The following ABCA1 variants were observed in gnomAD, a reference collection of about 807,000 sequenced individuals.
The protein encoded by ABCA1 is ATP binding cassette subfamily A member 1.
ABCA1 carries 133 observed loss-of-function variants against 262.5 expected under a neutral mutation model. The observed-to-expected ratio is 0.51, with a 90% CI of 0.44 to 0.59. ABCA1 has a LOEUF of 0.59. Ranked by LOEUF, ABCA1 falls within the 20% of genes least tolerant of loss-of-function variation. ABCA1 has a pLI of 0.00. For synonymous variants in ABCA1, 1,022 were observed against 1,043.5 expected, an observed-to-expected ratio of 0.98 and a Z score of 0.40; for missense variants, 2,452 against 2,777.5, an observed-to-expected ratio of 0.88 and a Z score of 2.63.
At chr9:104,907,862 G>A (rs1170297544) in intron 1 of ABCA1, among the ~76,000 whole-genome samples, 3 of 152,340 alleles carry the variant, frequency 2.0e-5, no homozygotes, top group African/African-American at 7.2e-5. Flanking sequence ...AGTCACCCAA[G>A]TGGATCACTC....
intron 29 of ABCA1, among the ~76,000 whole-genome samples, chr9:104,809,877 C>CTTAATGAGTATT (rs1831119024): frequency 6.6e-6 from 1 of 151,812 alleles, no homozygotes; most frequent in Non-Finnish European, 1.5e-5. Flanking sequence ...AGAAAATCAA[C>CTTAATGAGTATT]TCATTAAGTA....
intron 31 of ABCA1, 27 bp from the exon 32 acceptor site, chr9:104,804,747 C>T (rs369764610): frequency 4.8e-5 from 75 of 1,568,784 alleles, no homozygotes; most frequent in Middle Eastern, 1.7e-4. Flanking sequence ...ACCAAGCATA[C>T]GGGTCTTTAT....
chr9:104,851,082 C>G (rs951347287), intron 7 of ABCA1, among the ~76,000 whole-genome samples: 1 of 152,156 alleles, frequency 6.6e-6, no homozygotes, highest in African/African-American at 2.4e-5. Flanking sequence ...TCACAACATA[C>G]CATGTTTCCT....
chr9:104,814,510 C>T, intron 25 of ABCA1, 35 bp from the exon 26 acceptor site: 4 of 1,602,644 alleles, frequency 2.5e-6, no homozygotes, highest in Non-Finnish European at 3.4e-6. Flanking sequence ...ATTATAAGCA[C>T]CAACATTACG....
chr9:104,812,765 T>A, intron 27 of ABCA1, 43 bp from the exon 28 acceptor site: 3 of 1,612,584 alleles, frequency 1.9e-6, no homozygotes, highest in Non-Finnish European at 2.5e-6. Context: ...ATCTTAGGTG[T>A]TTTCGGCATT....
intron 1 of ABCA1, among the ~76,000 whole-genome samples, chr9:104,926,105 C>T (rs1021452651): frequency 1.3e-5 from 2 of 151,780 alleles, no homozygotes; most frequent in African/African-American, 4.8e-5. Flanking sequence ...AGCAGGGATT[C>T]GGCCATGGAG....
chr9:104,809,579 G>T lies in ABCA1; in HGVS notation c.4176-15C>A, dbSNP rs373587029. Reference sequence around the variant, plus strand: ...GAGCATCATTGCTGTGGGTACATGAGAGGCAGCCAGCTTAGTAATTCATTA... The same window carrying T: ...GAGCATCATTGCTGTGGGTACATGATAGGCAGCCAGCTTAGTAATTCATTA... On this transcript the variant is annotated splice_polypyrimidine_tract_variant and intron_variant, in intron 29 of 49. Coordinates refer to ENST00000374736, the MANE Select transcript of ABCA1 (RefSeq NM_005502.4). 3.7e-6 allele frequency: 6 copies of T among 1,605,600 alleles called. No homozygotes were observed. The highest frequency in any genetic ancestry group is 2.2e-5 in the East Asian group (1 of 44,850).
chr9:104,821,474 G>C lies in ABCA1; in HGVS notation c.2861C>G (p.Ser954Trp). The stretch of plus-strand genomic sequence containing the variant: ...TTTTCCCAGGATGTAGGCGGTGCCC[G>C]AGGTCGGGGGGAACAACCCGGTCAG... The part of the protein sequence containing the change: ...SILTGLFPPT[S>W]GTAYILGKDI... The change falls in exon 20 of 50, where the codon TCG becomes TGG. Residue 954 changes from serine (S) to tryptophan (W), a missense_variant. Physicochemically the swap from Ser to Trp is radical, Grantham distance 177 (BLOSUM62 -3). This residue lies in a region of ABCA1 where 665 missense variants were observed against 727.3 expected (regional missense o/e 0.91). Coordinates refer to ENST00000374736, the MANE Select transcript of ABCA1 (RefSeq NM_005502.4). 1 of 1,614,062 alleles carries C rather than the reference G, an allele frequency of 6.2e-7. No homozygotes were observed. The highest frequency in any genetic ancestry group is 1.1e-5 in the South Asian group (1 of 91,076).
chr9:104,805,407 C>G (rs111786655), intron 31 of ABCA1, among the ~76,000 whole-genome samples: 3 of 152,112 alleles, frequency 2.0e-5, no homozygotes, highest in Middle Eastern at 3.2e-3. Context: ...GGTAACCAAG[C>G]CTTCTTTTAG....
In ABCA1 at chr9:104,785,396, T is replaced by C. The variant is rs771390801; in HGVS notation, c.6645A>G (p.Gln2215=). 2.5e-6 allele frequency: 4 copies of C among 1,613,806 alleles called. No individual in the cohort carries two copies. Among genetic ancestry groups the C allele is most frequent in the Middle Eastern group, 1.6e-4 (1 of 6,076 alleles). The part of the protein sequence containing the change: ...DYSVSQTTLD[Q]VFVNFAKDQS... ...ATCTGTTTTGACACTCAAAGCTTAC[T>C]TGGTCAAGTGTTGTCTGAGAAACAG... Residue 2215 remains glutamine, a splice_region_variant and synonymous_variant, in exon 49 of 50, where the codon CAA becomes CAG. Transcript: ENST00000374736.
rs183397436 is a variant in ABCA1, at chr9:104,826,917, C to T, written c.2337+31G>A. 1.9e-4 allele frequency: 300 copies of T among 1,596,312 alleles called. No individual in the cohort carries two copies. The African/African-American group carries it at 3.6e-3, about 19-fold the overall frequency. ...ACTCCAAAGGAAGGTCAAATGCCTA[C>T]AGCCACTGAAGAAAGGCCAGAGGTA... is the stretch of plus-strand genomic sequence containing the variant. On this transcript the variant is annotated intron_variant, in intron 16 of 49. Coordinates refer to ENST00000374736, the MANE Select transcript of ABCA1 (RefSeq NM_005502.4).
At chr9:104,900,236 G>A (rs954168517) in intron 2 of ABCA1, among the ~76,000 whole-genome samples, 1 of 152,168 alleles carries the variant, frequency 6.6e-6, no homozygotes, top group African/African-American at 2.4e-5. Flanking sequence ...CTTTATGTAT[G>A]CTTTCTATTC....
chr9:104,916,964 C>T lies in ABCA1; in HGVS notation c.-93+10971G>A, dbSNP rs375424880. 3.4e-4 allele frequency among the ~76,000 whole-genome samples: 52 copies of T among 152,280 alleles called. No homozygotes were observed. In the South Asian group the frequency reaches 0.01, roughly 30 times the overall value. On this transcript the variant is annotated intron_variant, in intron 1 of 49. Coordinates refer to ENST00000374736, the MANE Select transcript of ABCA1 (RefSeq NM_005502.4). ...ATACATCCCAAAGAGCAGAAGAAAC[C>T]GTAACACTAGACCCCAACATCAAAA...
intron 11 of ABCA1, 84 bp from the exon 12 acceptor site, chr9:104,832,855 T>C (rs1329439544): frequency 7.8e-7 from 1 of 1,275,284 alleles, no homozygotes. Context: ...TACTTGCATA[T>C]ACACTGTCGT....
intron 8 of ABCA1, among the ~76,000 whole-genome samples, chr9:104,844,246 A>G (rs914264166): frequency 6.6e-6 from 1 of 151,844 alleles, no homozygotes; most frequent in Non-Finnish European, 1.5e-5. Flanking sequence ...CTTGCAAAAC[A>G]GTTTCTCTTT....
At chr9:104,827,885 G>A (rs987479502) in intron 15 of ABCA1, among the ~76,000 whole-genome samples, 1 of 152,206 alleles carries the variant, frequency 6.6e-6, no homozygotes, top group Non-Finnish European at 1.5e-5. Context: ...AAGGGTTAGT[G>A]AGGATAGAAG....
chr9:104,786,786 A>T, intron 47 of ABCA1, 87 bp downstream of exon 47: 1 of 1,244,194 alleles, frequency 8.0e-7, no homozygotes, highest in African/African-American at 1.5e-5. Flanking sequence ...GCTTTTCTGT[A>T]TTTTCTAATT....
intron 5 of ABCA1, among the ~76,000 whole-genome samples, chr9:104,875,983 AGTTAAAAG>A (rs1031772834): frequency 6.6e-6 from 1 of 152,164 alleles, no homozygotes; most frequent in Non-Finnish European, 1.5e-5. Context: ...GGGCTTCTAG[AGTTAAAAG>A]GTACTGGTGT....
At chr9:104,784,572 A>T (rs893211903) in intron 49 of ABCA1, 117 bp from the exon 50 acceptor site, 56 of 1,214,736 alleles carry the variant, frequency 4.6e-5, no homozygotes, top group Non-Finnish European at 5.5e-5. Context: ...AGAATTACAT[A>T]AATGGATTAA....
Sources: gnomAD v4.1 joint callset for allele counts (sites outside exome capture counted in the v4.1 genomes callset) on GRCh38, gnomAD v4.1.1 for gene constraint, gnomAD v4.1.1 regional missense constraint, MANE v1.5 for transcripts, NCBI Gene and HGNC (gene_info 2026-07-23, HGNC 2026-07-21) for gene names.